SLC19A1: variants seen among roughly 807,000 people sequenced by gnomAD.
SLC19A1 encodes the protein reduced folate transporter.
In SLC19A1, 37 loss-of-function variants were observed where a neutral mutation model predicts 35.3. The ratio of observed to expected loss-of-function variants is 1.05; its 90% CI spans 0.81 to 1.38. The LOEUF (loss-of-function observed/expected upper bound fraction) is 1.38. Among genes scored for constraint, SLC19A1 ranks in the 40% most tolerant of loss-of-function variants. The pLI is 0.00. For missense variants in SLC19A1, 831 were observed against 826.9 expected (o/e 1.00, Z -0.06); for synonymous variants, 460 against 398.5 (o/e 1.15, Z -1.84).
chr21:45,556,957 ACTCAGATGCATGTGT>A (rs1446232253), intron 1 of SLC19A1, among the ~76,000 whole-genome samples: 3 of 151,320 alleles, frequency 2.0e-5, no homozygotes, highest in Admixed American at 1.3e-4. Flanking sequence ...TGGGACGGCG[ACTCAGATGCATGTGT>A]CTCCTGGGAC....
In SLC19A1 at chr21:45,531,610, C is replaced by A. The variant is rs2077909734; in HGVS notation, c.728G>T (p.Arg243Leu). The change falls in exon 3 of 6, where the codon CGG becomes CTG. Residue 243 changes from arginine (R) to leucine (L), a missense_variant. By Grantham distance (102) the Arg-to-Leu change is moderately radical. Coordinates refer to ENST00000311124, the MANE Select transcript of SLC19A1 (RefSeq NM_194255.4). ...GPGGKLGHALRVACGDSVLAR... is the reference protein window; with the variant it reads ...GPGGKLGHALLVACGDSVLAR... ...CAGCACTGAGTCCCCACAGGCCACC[C>A]GCAGGGCGTGTCCCAGCTTCCCGCC... 1.2e-6 allele frequency: 2 copies of A among 1,612,252 alleles called. No individual in the cohort carries two copies. Among genetic ancestry groups the A allele is most frequent in the African/African-American group, 1.3e-5 (1 of 75,032 alleles).
chr21:45,539,245 A>G (rs1158803723), intron 1 of SLC19A1, among the ~76,000 whole-genome samples: 1 of 152,190 alleles, frequency 6.6e-6, no homozygotes, highest in Non-Finnish European at 1.5e-5. Context: ...TCACGTCTGT[A>G]TCAGCTGACC....
chr21:45,525,832 G>A lies in SLC19A1; in HGVS notation c.1278C>T (p.Leu426=). 6.2e-7 allele frequency: 1 copy of A among 1,613,340 alleles called. No homozygotes were observed. The highest frequency in any genetic ancestry group is 8.5e-7 in the Non-Finnish European group (1 of 1,179,958). Residue 426 remains leucine (L), a synonymous_variant, in exon 5 of 6, where the codon CTC becomes CTT. Transcript: ENST00000311124. ...FIVSDVRGLG[L]PVRKQFQLYS... ...ATGGGCTCACCTGCTTGCGGACCGG[G>A]AGGCCCAGGCCCCGCACGTCCGAGA...
chr21:45,505,575 G>A (rs1286847881), intron 3 of SLC19A1: 5 of 683,808 alleles, frequency 7.3e-6, no homozygotes, highest in Admixed American at 6.9e-5. Flanking sequence ...TGGAAGCGGG[G>A]CCAGGCCATG....
chr21:45,503,701 G>A (rs1299119176), intron 3 of SLC19A1, among the ~76,000 whole-genome samples: 2 of 151,220 alleles, frequency 1.3e-5, no homozygotes, highest in African/African-American at 2.4e-5. Context: ...ACGAGTTAGT[G>A]GGTGCAGCAC....
chr21:45,530,877 C>A lies in SLC19A1; in HGVS notation c.1044G>T (p.Gly348=), dbSNP rs1445491712. Residue 348 remains glycine (G), a synonymous_variant, in exon 4 of 6, where the codon GGG becomes GGT. Transcript: ENST00000311124. The surrounding 1 kb of genome is among the most constrained non-coding windows in gnomAD (Gnocchi z 5.3). ...LIAGVTATQA[G]LVFLLAHTRH... ...GCGTGTGCGCCAGAAGGAAGACCAG[C>A]CCCGCCTGCGTGGCCGTGACGCCCG... is the stretch of plus-strand genomic sequence containing the variant. 1.3e-6 allele frequency: 2 copies of A among 1,486,458 alleles called. No homozygotes were observed. Among genetic ancestry groups the A allele is most frequent in the Non-Finnish European group, 1.8e-6 (2 of 1,119,920 alleles). 92.1% of individuals were successfully genotyped at this position (1,486,458 alleles called of 1,614,324 possible).
chr21:45,520,997 G>A (rs372705007), intron 5 of SLC19A1, among the ~76,000 whole-genome samples: 9 of 148,902 alleles, frequency 6.0e-5, no homozygotes, highest in Non-Finnish European at 1.3e-4. Flanking sequence ...TCCAGCCTGG[G>A]CAACAAGAGC....
chr21:45,532,095 C>A lies in SLC19A1; in HGVS notation c.243G>T (p.Val81=), dbSNP rs1212462716. 1 of 1,611,742 alleles carries A rather than the reference C, an allele frequency of 6.2e-7. No individual in the cohort carries two copies. Among genetic ancestry groups the A allele is most frequent in the African/African-American group, 1.3e-5 (1 of 74,916 alleles). ...GGTAGTCGGTGAGCAGGAACACGGG[C>A]ACCAGCACGGCCAGGTAGGAGTACG... ...VLSYSYLAVL[V]PVFLLTDYLR... Residue 81 remains valine (V), a synonymous_variant, in exon 3 of 6, where the codon GTG becomes GTT. Coordinates refer to ENST00000311124, the MANE Select transcript of SLC19A1 (RefSeq NM_194255.4).
At chr21:45,559,291 G>C (rs1270767225) in intron 1 of SLC19A1, among the ~76,000 whole-genome samples, 1 of 152,188 alleles carries the variant, frequency 6.6e-6, no homozygotes, top group East Asian at 1.9e-4. Flanking sequence ...TTGAGGCCGG[G>C]TGAGTGTCGG....
At chr21:45,547,883 G>C (rs182182064), upstream of SLC19A1, among the ~76,000 whole-genome samples, 16 of 152,256 alleles carry the variant, frequency 1.1e-4, no homozygotes, top group Admixed American at 9.8e-4. Flanking sequence ...ATTGACAATT[G>C]GAAGGCTCAT....
At chr21:45,511,915 C>T (rs924348514), downstream of SLC19A1, among the ~76,000 whole-genome samples, 1 of 152,224 alleles carries the variant, frequency 6.6e-6, no homozygotes, top group African/African-American at 2.4e-5. Context: ...GGCATGAGGG[C>T]CAGGTTCACC....
chr21:45,531,495 G>T lies in SLC19A1; in HGVS notation c.843C>A (p.Tyr281Ter). Residue 281 changes from tyrosine (Y) to a stop codon, truncating the protein, a stop_gained, in exon 3 of 6, where the codon TAC becomes TAA. Transcript: ENST00000311124. LOFTEE classifies it high-confidence loss of function. ...TGTGCACGTAGTAGACCACCAGGTAGTAGCCGGCCGAGTTGAAGACCCACC... is the reference window on the plus strand; with the variant it reads ...TGTGCACGTAGTAGACCACCAGGTATTAGCCGGCCGAGTTGAAGACCCACC... ...SLWWVFNSAGYYLVVYYVHIL... is the reference protein window; with the variant it reads ...SLWWVFNSAG The T allele has an allele frequency of 6.2e-7, 1 of 1,612,780 alleles. No homozygotes were observed. The highest frequency in any genetic ancestry group is 8.5e-7 in the Non-Finnish European group (1 of 1,179,798).
At chr21:45,560,634 G>T (rs1273395911) in intron 1 of SLC19A1, among the ~76,000 whole-genome samples, 1 of 152,256 alleles carries the variant, frequency 6.6e-6, no homozygotes, top group East Asian at 1.9e-4. Context: ...GCACACGGCG[G>T]GGCAGGGGAG....
In SLC19A1 at chr21:45,531,637, G is replaced by T. The variant is rs377185311; in HGVS notation, c.701C>A (p.Pro234Gln). ...CAGGGCGTGTCCCAGCTTCCCGCCT[G>T]GGCCAGGATTCATGCGCTCCAGCTC... Reference protein sequence around the residue: ...ASELERMNPGPGGKLGHALRV... With the variant: ...ASELERMNPGQGGKLGHALRV... The change falls in exon 3 of 6, where the codon CCA becomes CAA. Residue 234 changes from proline to glutamine, a missense_variant. Physicochemically the swap from Pro to Gln is moderately conservative, Grantham distance 76. Transcript: ENST00000311124. 19 of 1,612,246 alleles carry T rather than the reference G, an allele frequency of 1.2e-5. No homozygotes were observed. The highest frequency in any genetic ancestry group is 1.1e-4 in the East Asian group (5 of 44,870).
upstream of SLC19A1, among the ~76,000 whole-genome samples, chr21:45,548,894 G>T (rs987187695): frequency 1.3e-5 from 2 of 152,190 alleles, no homozygotes; most frequent in African/African-American, 2.4e-5. Context: ...AATTTAAGAA[G>T]CTGACAATAC....
upstream of SLC19A1, among the ~76,000 whole-genome samples, chr21:45,545,727 A>C (rs1397980310): frequency 6.6e-6 from 1 of 152,052 alleles, no homozygotes; most frequent in African/African-American, 2.4e-5. Context: ...CATATGCAGG[A>C]AGACGGGCGC....
chr21:45,528,966 C>T (rs535631380), intron 4 of SLC19A1, among the ~76,000 whole-genome samples: 4 of 152,246 alleles, frequency 2.6e-5, no homozygotes, highest in Non-Finnish European at 4.4e-5. Flanking sequence ...TAACTAAAAC[C>T]TTTCAGGCGT....
chr21:45,512,278 G>C (rs375390952), downstream of SLC19A1: 5 of 1,611,666 alleles, frequency 3.1e-6, no homozygotes, highest in African/African-American at 2.7e-5. Flanking sequence ...AGGCTCCCTC[G>C]GCCACGGGCC....
At chr21:45,522,802 A>T (rs1481337178) in intron 5 of SLC19A1, among the ~76,000 whole-genome samples, 1 of 152,112 alleles carries the variant, frequency 6.6e-6, no homozygotes, top group African/African-American at 2.4e-5. Context: ...AGCGGAGAAG[A>T]GGGTAGTGGC....
Sources: gnomAD v4.1 joint callset for allele counts (sites outside exome capture counted in the v4.1 genomes callset) on GRCh38, gnomAD v4.1.1 for gene constraint, Gnocchi (gnomAD v3.1) non-coding constraint, MANE v1.5 for transcripts, NCBI Gene and HGNC (gene_info 2026-07-23, HGNC 2026-07-21) for gene names.